The following MORC1 variants were observed in gnomAD, a reference collection of about 807,000 sequenced individuals.
The protein encoded by MORC1 is MORC family CW-type zinc finger 1.
MORC1 carries 59 observed loss-of-function variants against 134.9 expected under a neutral mutation model. That is an observed-to-expected ratio of 0.44 (90% CI 0.35 to 0.54). The LOEUF (loss-of-function observed/expected upper bound fraction) is 0.54, where lower values mean the gene tolerates loss of function less well. MORC1 is among the 20% of genes least tolerant of loss of function. The probability of loss-of-function intolerance (pLI) is 0.00; values close to 1 mark genes in which losing one functional copy is unlikely to be tolerated. For missense variants in MORC1, 947 were observed against 1,134.5 expected, an observed-to-expected ratio of 0.83 and a Z score of 2.37; for synonymous variants, 395 against 391.7, an observed-to-expected ratio of 1.01 and a Z score of -0.10.
intron 26 of MORC1, among the ~76,000 whole-genome samples, chr3:108,964,007 C>T (rs1210410447): frequency 1.3e-5 from 2 of 152,212 alleles, no homozygotes; most frequent in Admixed American, 6.5e-5. Flanking sequence ...CAGGCAATGA[C>T]AGAATGGCCC....
intron 26 of MORC1, among the ~76,000 whole-genome samples, chr3:108,963,910 A>C (rs1559857171): frequency 6.6e-6 from 1 of 152,216 alleles, no homozygotes. Context: ...TAAAGGTTGA[A>C]TCTGTTCTCC....
chr3:109,115,596 A>G (rs1345841494), intron 1 of MORC1, among the ~76,000 whole-genome samples: 1 of 152,240 alleles, frequency 6.6e-6, no homozygotes, highest in African/African-American at 2.4e-5. Flanking sequence ...CCCTTCTAGG[A>G]AATTTAAAGT....
chr3:109,106,253 T>G (rs906320465), intron 3 of MORC1, among the ~76,000 whole-genome samples: 18 of 152,178 alleles, frequency 1.2e-4, no homozygotes, highest in Admixed American at 4.6e-4. Flanking sequence ...CACAGCTGAT[T>G]TGCACTTCTT....
intron 9 of MORC1, among the ~76,000 whole-genome samples, chr3:109,065,452 G>A (rs948148506): frequency 6.6e-6 from 1 of 151,920 alleles, no homozygotes; most frequent in Non-Finnish European, 1.5e-5. Context: ...TATCTCCTGT[G>A]TTTTTTTTCC....
intron 20 of MORC1, among the ~76,000 whole-genome samples, chr3:109,002,704 T>C (rs995027906): frequency 6.6e-6 from 1 of 152,202 alleles, no homozygotes; most frequent in Middle Eastern, 3.2e-3. Flanking sequence ...TGCTCTCTAC[T>C]AACCTTTCTT....
chr3:108,984,013 G>A (rs911175518), intron 23 of MORC1, among the ~76,000 whole-genome samples: 4 of 152,146 alleles, frequency 2.6e-5, no homozygotes, highest in African/African-American at 9.7e-5. Flanking sequence ...GGCTGAAAAG[G>A]CTTTGGAGTG....
intron 21 of MORC1, among the ~76,000 whole-genome samples, chr3:108,996,286 G>GCGCGCGCGCA: frequency 6.8e-6 from 1 of 146,382 alleles, no homozygotes; most frequent in Non-Finnish European, 1.5e-5. Flanking sequence ...GCGCGCGCGC[G>GCGCGCGCGCA]CACACACACA....
chr3:109,009,291 C>G (rs1948627240), intron 17 of MORC1, among the ~76,000 whole-genome samples: 1 of 150,960 alleles, frequency 6.6e-6, no homozygotes, highest in Non-Finnish European at 1.5e-5. Context: ...CCGCAACCTC[C>G]ACCTCCTGGG....
chr3:109,006,822 T>C (rs1426838729), intron 18 of MORC1, among the ~76,000 whole-genome samples: 1 of 152,194 alleles, frequency 6.6e-6, no homozygotes, highest in Non-Finnish European at 1.5e-5. Context: ...AGATAATGGG[T>C]GATTTAAATT....
chr3:108,988,567 A>G (rs375032402), intron 21 of MORC1, among the ~76,000 whole-genome samples: 42 of 152,300 alleles, frequency 2.8e-4, no homozygotes, highest in African/African-American at 1.0e-3. Context: ...GACTTTTCAG[A>G]CCAGTTTATA....
At position 109,032,771 on chromosome 3, in the gene MORC1, T is replaced by C; in HGVS notation, c.1514A>G (p.Glu505Gly). The C allele has an allele frequency of 6.2e-7, 1 of 1,609,592 alleles. No homozygotes were observed. The highest frequency in any genetic ancestry group is 8.5e-7 in the Non-Finnish European group (1 of 1,177,350). The stretch of plus-strand genomic sequence containing the variant: ...AGCACAAATCCAAATGTCAAAAAAT[T>C]CTTTTTCCTGATAATTAGTAGAGGA... ...LPSSTNYQEK[E>G]FFDIWICANN... The change falls in exon 16 of 28, where the codon GAA becomes GGA. Residue 505 changes from glutamate (E) to glycine (G), a missense_variant. Physicochemically the swap from Glu to Gly is moderately conservative, Grantham distance 98. Around this residue, in one of 3 missense-constraint regions of MORC1, gnomAD observed 722 missense variants for 817.0 expected, o/e 0.88. Transcript: ENST00000232603.
At chr3:109,094,224 C>CA (rs1219502545) in intron 7 of MORC1, among the ~76,000 whole-genome samples, 4 of 151,928 alleles carry the variant, frequency 2.6e-5, no homozygotes, top group Non-Finnish European at 4.4e-5. Context: ...GCATGATTAA[C>CA]AAAAAAAGTC....
At chr3:109,041,990 C>A (rs1370475040) in intron 14 of MORC1, among the ~76,000 whole-genome samples, 3 of 151,456 alleles carry the variant, frequency 2.0e-5, no homozygotes, top group African/African-American at 4.9e-5. Flanking sequence ...AAGAACTAGA[C>A]ATCATCAAGT....
At chr3:109,056,353 G>A (rs561743020) in intron 13 of MORC1, among the ~76,000 whole-genome samples, 45 of 152,118 alleles carry the variant, frequency 3.0e-4, no homozygotes, top group African/African-American at 9.9e-4. Context: ...TCAGCCTCCC[G>A]AGTAGCTGAG....
chr3:108,973,996 G>T (rs977702849), intron 24 of MORC1, among the ~76,000 whole-genome samples: 1 of 151,998 alleles, frequency 6.6e-6, no homozygotes, highest in Non-Finnish European at 1.5e-5. Context: ...TTTGATTGAG[G>T]AATTATTCCT....
chr3:109,044,290 G>C (rs368638758), intron 14 of MORC1, among the ~76,000 whole-genome samples: 1 of 152,164 alleles, frequency 6.6e-6, no homozygotes, highest in Admixed American at 6.5e-5. Flanking sequence ...AAAAAAAAAA[G>C]GGAAATACTT....
chr3:108,999,864 TA>T (rs1175795527), intron 21 of MORC1, among the ~76,000 whole-genome samples: 1 of 148,082 alleles, frequency 6.8e-6, no homozygotes, highest in Non-Finnish European at 1.5e-5. Flanking sequence ...ATGTGTAAAT[TA>T]CTTTTAGTGA....
chr3:109,036,316 C>T (rs6808380), intron 14 of MORC1, among the ~76,000 whole-genome samples: 64,185 of 151,734 alleles, frequency 0.42, 14,273 homozygotes, highest in Middle Eastern at 0.56. Flanking sequence ...AGTGTAATCA[C>T]TTTATGTAAT....
rs146987013 is a variant in MORC1, at chr3:108,962,149, C to T, written c.2799+1265G>A. ...GGTATGGTTGATAGAAGCGCAAATA[C>T]AATTACCTTTATATAAAAATTAGCA... On this transcript the variant is annotated intron_variant, in intron 27 of 27. Coordinates refer to ENST00000232603, the MANE Select transcript of MORC1 (RefSeq NM_014429.4). 3.0e-3 allele frequency among the ~76,000 whole-genome samples: 458 copies of T among 152,128 alleles called. 5 individuals are homozygous for T. The highest frequency in any genetic ancestry group is 0.011 in the African/African-American group (437 of 41,496).
Sources: allele counts gnomAD v4.1 joint callset (sites outside exome capture counted in the v4.1 genomes callset), GRCh38; gene constraint gnomAD v4.1.1; regional missense constraint gnomAD v4.1.1; transcripts MANE v1.5; gene names NCBI Gene and HGNC (gene_info 2026-07-23, HGNC 2026-07-21).